The following ELP3 variants were observed in gnomAD, a reference collection of about 807,000 sequenced individuals.
ELP3 encodes elongator acetyltransferase complex subunit 3.
ELP3 carries 56 observed loss-of-function variants against 74.9 expected under a neutral mutation model. The ratio of observed to expected loss-of-function variants is 0.75; its 90% confidence interval spans 0.60 to 0.93. The LOEUF is 0.93. Ranked by LOEUF, ELP3 falls within the 40% of genes least tolerant of loss-of-function variation. The pLI is 0.00. For synonymous variants in ELP3, 222 were observed against 239.8 expected (o/e 0.93, Z 0.68); for missense variants, 573 against 686.5 (o/e 0.83, Z 1.85).
chr8:28,149,262 A>G (rs1188615278), intron 10 of ELP3, among the ~76,000 whole-genome samples: 2 of 152,350 alleles, frequency 1.3e-5, no homozygotes, highest in East Asian at 3.9e-4. Context: ...AGAATGAGTT[A>G]AGAACTACTA....
intron 6 of ELP3, chr8:28,112,764 C>T (rs973186151): frequency 1.1e-5 from 3 of 284,846 alleles, no homozygotes; most frequent in Non-Finnish European, 1.9e-5. Flanking sequence ...TAAATTTCCG[C>T]TTTGTAGGTA....
intron 14 of ELP3, among the ~76,000 whole-genome samples, chr8:28,182,059 G>C (rs1815033473): frequency 6.6e-6 from 1 of 152,110 alleles, no homozygotes. Flanking sequence ...TTCCCTTTTA[G>C]AGGAAAGGTA....
upstream of ELP3, chr8:28,090,305 G>C: frequency 2.5e-6 from 1 of 406,594 alleles, no homozygotes; most frequent in Non-Finnish European, 4.9e-6. Context: ...GTTGCTTCCT[G>C]GTCTGGTGGT....
chr8:28,175,053 C>G (rs1338283851), intron 14 of ELP3, among the ~76,000 whole-genome samples: 1 of 152,102 alleles, frequency 6.6e-6, no homozygotes, highest in Admixed American at 6.5e-5. Flanking sequence ...CTCATTTTGC[C>G]TCTTGCTGCT....
intron 14 of ELP3, among the ~76,000 whole-genome samples, chr8:28,176,415 T>C (rs940338811): frequency 6.6e-6 from 1 of 152,186 alleles, no homozygotes; most frequent in Non-Finnish European, 1.5e-5. Flanking sequence ...TAGGTCCTTA[T>C]TGCCCACTCC....
intron 10 of ELP3, among the ~76,000 whole-genome samples, chr8:28,139,085 G>A (rs1000734350): frequency 6.6e-6 from 1 of 152,172 alleles, no homozygotes; most frequent in Non-Finnish European, 1.5e-5. Context: ...TTCACATGCA[G>A]GAGGCAGAGG....
chr8:28,102,324 C>T lies in ELP3; in HGVS notation c.258+2358C>T, dbSNP rs540482239. Among the ~76,000 whole-genome samples the T allele has an allele frequency of 2.0e-5, 3 of 152,328 alleles. No homozygotes were observed. In the South Asian group the frequency reaches 6.2e-4, roughly 32 times the overall value. ...TTCCTGTCCATGTTAGTTCATGGTA[C>T]CACCGTGCACTCAGTTTCCAAAAAA... On this transcript the variant is annotated intron_variant, in intron 3 of 14. Coordinates refer to ENST00000256398, the MANE Select transcript of ELP3 (RefSeq NM_018091.6).
chr8:28,141,772 A>G (rs1813247308), intron 10 of ELP3, among the ~76,000 whole-genome samples: 1 of 152,262 alleles, frequency 6.6e-6, no homozygotes, highest in Admixed American at 6.5e-5. Flanking sequence ...TGCAGTAAAT[A>G]GCATTCACAG....
intron 9 of ELP3, among the ~76,000 whole-genome samples, chr8:28,134,337 T>C (rs916306109): frequency 1.3e-5 from 2 of 152,228 alleles, no homozygotes; most frequent in Admixed American, 1.3e-4. Context: ...AATAGTTCAG[T>C]AATAACATTG....
At chr8:28,149,547 A>G (rs10216910) in intron 10 of ELP3, among the ~76,000 whole-genome samples, 78,818 of 151,954 alleles carry the variant, frequency 0.52, 21,099 homozygotes, top group East Asian at 0.91. Context: ...TCTGATACTA[A>G]GCGTTTCCAT....
intron 14 of ELP3, among the ~76,000 whole-genome samples, chr8:28,175,288 T>C (rs1814698052): frequency 6.6e-6 from 1 of 152,210 alleles, no homozygotes; most frequent in African/African-American, 2.4e-5. Context: ...GTATGCTTGA[T>C]GGTATCCCCC....
chr8:28,123,513 C>T (rs1024155071), intron 7 of ELP3, among the ~76,000 whole-genome samples: 2 of 152,146 alleles, frequency 1.3e-5, no homozygotes, highest in Non-Finnish European at 2.9e-5. Flanking sequence ...GTGTCATGTT[C>T]TATAAATATC....
chr8:28,100,309 A>G (rs1342691427), intron 3 of ELP3, among the ~76,000 whole-genome samples: 1 of 152,234 alleles, frequency 6.6e-6, no homozygotes, highest in Non-Finnish European at 1.5e-5. Flanking sequence ...AAGGTAGTTA[A>G]TGGTGCAAAG....
intron 14 of ELP3, among the ~76,000 whole-genome samples, chr8:28,186,785 C>T (rs1815256349): frequency 6.6e-6 from 1 of 152,172 alleles, no homozygotes; most frequent in African/African-American, 2.4e-5. Context: ...TCCTGTTAGT[C>T]CATGAATAGA....
chr8:28,135,901 C>G lies in ELP3; in HGVS notation c.907-1797C>G, dbSNP rs955989936. On this transcript the variant is annotated intron_variant, in intron 9 of 14. Coordinates refer to ENST00000256398, the MANE Select transcript of ELP3 (RefSeq NM_018091.6). ...GCCATCTTGGGTCTCATTCTTGCCT[C>G]CTTTCTTGTTCTCTTTGTTCTTCTG... Among the ~76,000 whole-genome samples, 3 of 151,960 alleles carry G rather than the reference C, an allele frequency of 2.0e-5. No individual in the cohort carries two copies. The South Asian group carries it at 6.2e-4, about 32-fold the overall frequency.
intron 10 of ELP3, among the ~76,000 whole-genome samples, chr8:28,155,734 G>A (rs1290515448): frequency 6.6e-6 from 1 of 152,232 alleles, no homozygotes; most frequent in East Asian, 1.9e-4. Flanking sequence ...AACCCTGAAG[G>A]TCAGGGGAAA....
At chr8:28,139,331 AGTT>A (rs1399978902) in intron 10 of ELP3, among the ~76,000 whole-genome samples, 2 of 152,200 alleles carry the variant, frequency 1.3e-5, no homozygotes, top group East Asian at 3.8e-4. Flanking sequence ...CAATTACAAA[AGTT>A]GAAAAAGGAG....
At chr8:28,145,345 T>A (rs775801884) in intron 10 of ELP3, among the ~76,000 whole-genome samples, 1 of 152,232 alleles carries the variant, frequency 6.6e-6, no homozygotes, top group Non-Finnish European at 1.5e-5. Context: ...CTCTGTTTAA[T>A]TTGATATTAG....
At chr8:28,129,868 C>G (rs1812726616) in intron 8 of ELP3, among the ~76,000 whole-genome samples, 1 of 152,206 alleles carries the variant, frequency 6.6e-6, no homozygotes, top group Non-Finnish European at 1.5e-5. Context: ...TGGGTCTTTT[C>G]CAGCAGCCTG....
Sources: gnomAD v4.1 joint callset for allele counts (sites outside exome capture counted in the v4.1 genomes callset) on GRCh38, gnomAD v4.1.1 for gene constraint, MANE v1.5 for transcripts, NCBI Gene and HGNC (gene_info 2026-07-23, HGNC 2026-07-21) for gene names.